ARHGEF18: variants seen among roughly 807,000 people sequenced by gnomAD.
ARHGEF18 encodes the protein Rho/Rac guanine nucleotide exchange factor 18, also known as rho guanine nucleotide exchange factor 18.
In ARHGEF18, 93 loss-of-function variants were observed where a neutral mutation model predicts 155.7. The ratio of observed to expected loss-of-function variants is 0.60; its 90% CI spans 0.50 to 0.71. The LOEUF (loss-of-function observed/expected upper bound fraction) is 0.71. ARHGEF18 is among the 30% of genes least tolerant of loss of function. The probability of loss-of-function intolerance (pLI) is 0.00; values close to 1 mark genes in which losing one functional copy is unlikely to be tolerated. For missense variants in ARHGEF18, 1,593 were observed against 1,816.1 expected (o/e 0.88, Z 2.23); for synonymous variants, 742 against 753.1 (o/e 0.99, Z 0.24).
chr19:7,385,161 G>A (rs1189823110), intron 10 of ARHGEF18, among the ~76,000 whole-genome samples: 4 of 152,228 alleles, frequency 2.6e-5, no homozygotes, highest in Non-Finnish European at 1.5e-5. Flanking sequence ...AAGGTTGGAA[G>A]TTGGAAGAGT....
chr19:7,356,971 C>G (rs1169631838), intron 1 of ARHGEF18, among the ~76,000 whole-genome samples: 1 of 152,042 alleles, frequency 6.6e-6, no homozygotes, highest in Non-Finnish European at 1.5e-5. Context: ...GCCAGGGGAC[C>G]CAAGGGCTGG....
chr19:7,439,954 G>A lies in ARHGEF18; in HGVS notation c.968-390G>A, dbSNP rs1465966904. The stretch of plus-strand genomic sequence containing the variant: ...TTTCCACAGTAAATGGTCACAGTGG[G>A]GACCAATATCCTGCCCTCCAGACCC... On this transcript the variant is annotated intron_variant, in intron 10 of 28. Coordinates refer to ENST00000668164, the MANE Select transcript of ARHGEF18 (RefSeq NM_001367823.1). 2.0e-6 allele frequency: 3 copies of A among 1,524,556 alleles called. No individual in the cohort carries two copies. Among genetic ancestry groups the A allele is most frequent in the Admixed American group, 4.4e-5 (2 of 45,602 alleles). 94.4% of individuals were successfully genotyped at this position (1,524,556 alleles called of 1,614,324 possible). A position where few individuals can be genotyped will look rare whatever the true frequency, so the allele number is the denominator to read the frequency against.
intron 10 of ARHGEF18, among the ~76,000 whole-genome samples, chr19:7,403,551 TTC>T (rs1491009109): frequency 0.074 from 10,993 of 149,002 alleles, 1,365 homozygotes; most frequent in African/African-American, 0.26. Flanking sequence ...CTTTCTTTCT[TTC>T]TTTTTTTTTT....
intron 10 of ARHGEF18, among the ~76,000 whole-genome samples, chr19:7,425,431 C>A (rs1361218463): frequency 6.6e-6 from 1 of 152,118 alleles, no homozygotes; most frequent in East Asian, 1.9e-4. Flanking sequence ...CGCCTGTAAT[C>A]CCAGCAATTG....
Position 7,467,057 on chromosome 19 carries a change from T to G in ARHGEF18, c.2962-14T>G, listed in dbSNP as rs1215845215. On this transcript the variant is annotated splice_polypyrimidine_tract_variant and intron_variant, in intron 24 of 28. Transcript: ENST00000668164. ...GCCCGATAACTAGCATCAATCTCCCTCTCCTCTCCGCAGCTTGTCCAGCGG... is the reference window on the plus strand; with the variant it reads ...GCCCGATAACTAGCATCAATCTCCCGCTCCTCTCCGCAGCTTGTCCAGCGG... 1 of 1,609,838 alleles carries G rather than the reference T, an allele frequency of 6.2e-7. No homozygotes were observed. Among genetic ancestry groups the G allele is most frequent in the Non-Finnish European group, 8.5e-7 (1 of 1,177,302 alleles).
At chr19:7,451,432 A>G (rs1336847157) in intron 16 of ARHGEF18, among the ~76,000 whole-genome samples, 166 bp downstream of exon 16, 1 of 140,530 alleles carries the variant, frequency 7.1e-6, no homozygotes, top group Non-Finnish European at 1.5e-5. Context: ...TTTAAGAGAC[A>G]GAGTCTCACT....
Position 7,400,333 on chromosome 19 carries a change from T to TA in ARHGEF18, c.967+17137dup, listed in dbSNP as rs959699860. Among the ~76,000 whole-genome samples, 17 of 152,066 alleles carry TA rather than the reference T, an allele frequency of 1.1e-4. No individual in the cohort carries two copies. In the East Asian group the frequency reaches 2.1e-3, roughly 19 times the overall value. On this transcript the variant is annotated intron_variant, in intron 10 of 28. Coordinates refer to ENST00000668164, the MANE Select transcript of ARHGEF18 (RefSeq NM_001367823.1). ...ATTCCAGGACATCTTATTATTTTTT[T>TA]AAAAAAACAGGGTCTTGCTGTGTTG...
At position 7,440,389 on chromosome 19, in the gene ARHGEF18, GCC is replaced by G; in HGVS notation, c.1015_1016del (p.Pro339GlyfsTer38). The G allele has an allele frequency of 6.2e-7, 1 of 1,609,642 alleles. No homozygotes were observed. The highest frequency in any genetic ancestry group is 8.5e-7 in the Non-Finnish European group (1 of 1,179,994). Reference sequence around the variant, plus strand: ...CGGGGCACCCTCCTGTCCGATGGCAGCCCGGCCCTGTCCAGGAATGTCGGTAT... The same window carrying G: ...CGGGGCACCCTCCTGTCCGATGGCAGCGGCCCTGTCCAGGAATGTCGGTAT... On this transcript the variant is annotated frameshift_variant, in exon 11 of 29. Transcript: ENST00000668164. LOFTEE classifies it high-confidence loss of function. The surrounding 1 kb of genome is among the most constrained non-coding windows in gnomAD (Gnocchi z 5.4).
At chr19:7,371,483 G>A (rs916878315) in intron 2 of ARHGEF18, among the ~76,000 whole-genome samples, 4 of 152,086 alleles carry the variant, frequency 2.6e-5, no homozygotes, top group Admixed American at 1.3e-4. Context: ...AGGAGTTTAA[G>A]ACCATCCTGG....
chr19:7,468,560 TG>T (rs1453711381), intron 26 of ARHGEF18, among the ~76,000 whole-genome samples: 1 of 152,124 alleles, frequency 6.6e-6, no homozygotes, highest in Non-Finnish European at 1.5e-5. Flanking sequence ...CTATAAACCA[TG>T]GGTTCTGTGA....
intron 1 of ARHGEF18, among the ~76,000 whole-genome samples, chr19:7,352,700 T>A (rs193213816): frequency 0.92 from 138,469 of 150,652 alleles, 63,761 homozygotes; most frequent in Admixed American, 0.95. Context: ...CGCCCGGCTA[T>A]TTTTTTGTAT....
chr19:7,463,910 G>A lies in ARHGEF18; in HGVS notation c.2728G>A (p.Ala910Thr), dbSNP rs1976448886. ...CAGCTCCACAGGCCCGCCCAGGAGG[G>A]CTGAGACCTTCGCGGGCTACGACTG... ...GGSSTGPPRR[A>T]ETFAGYDCTN... Residue 910 changes from alanine to threonine, a missense_variant, in exon 22 of 29, where the codon GCT (alanine) becomes ACT (threonine). Coordinates refer to ENST00000668164, the MANE Select transcript of ARHGEF18 (RefSeq NM_001367823.1). The surrounding 1 kb of genome is among the most constrained non-coding windows in gnomAD (Gnocchi z 5.2). 6.3e-6 allele frequency: 10 copies of A among 1,598,980 alleles called. No individual in the cohort carries two copies. Among genetic ancestry groups the A allele is most frequent in the Non-Finnish European group, 8.5e-6 (10 of 1,173,390 alleles).
At chr19:7,436,408 C>A (rs926012289) in intron 10 of ARHGEF18, among the ~76,000 whole-genome samples, 1 of 152,004 alleles carries the variant, frequency 6.6e-6, no homozygotes, top group Non-Finnish European at 1.5e-5. Context: ...TTCTGAGTAG[C>A]TGTGATTACA....
chr19:7,424,344 T>C (rs988927846), intron 10 of ARHGEF18, among the ~76,000 whole-genome samples: 3 of 152,126 alleles, frequency 2.0e-5, no homozygotes, highest in East Asian at 3.9e-4. Flanking sequence ...TTTCTTGAGC[T>C]AGATTTTCTT....
intron 10 of ARHGEF18, among the ~76,000 whole-genome samples, chr19:7,406,058 C>G (rs139472746): frequency 3.5e-4 from 53 of 152,194 alleles, no homozygotes; most frequent in Middle Eastern, 3.4e-3. Context: ...AAGAGGAGGT[C>G]TTCAGGAGAA....
intron 10 of ARHGEF18, among the ~76,000 whole-genome samples, chr19:7,399,531 G>T (rs904440129): frequency 6.6e-6 from 1 of 151,112 alleles, no homozygotes; most frequent in East Asian, 1.9e-4. Context: ...CCCCAGCCTG[G>T]AGTGCAGTGG....
chr19:7,424,308 G>A (rs574765782), intron 10 of ARHGEF18, among the ~76,000 whole-genome samples: 7 of 152,232 alleles, frequency 4.6e-5, no homozygotes, highest in African/African-American at 1.4e-4. Context: ...TTACAAGCAT[G>A]AGCCACCACC....
At chr19:7,376,587 C>A (rs1024989659) in intron 4 of ARHGEF18, 56 bp from the exon 5 acceptor site, 2 of 1,160,982 alleles carry the variant, frequency 1.7e-6, no homozygotes, top group East Asian at 3.2e-5. Context: ...ATCCAGGGAA[C>A]CTGCCTGCAG....
intron 10 of ARHGEF18, among the ~76,000 whole-genome samples, chr19:7,397,092 T>G (rs986416337): frequency 3.6e-5 from 5 of 138,410 alleles, no homozygotes; most frequent in African/African-American, 1.5e-4. Flanking sequence ...AGCAAGCCTT[T>G]TTGCGAAAAA....
Sources: allele counts gnomAD v4.1 joint callset (sites outside exome capture counted in the v4.1 genomes callset), GRCh38; gene constraint gnomAD v4.1.1; non-coding constraint Gnocchi (gnomAD v3.1); transcripts MANE v1.5; gene names NCBI Gene and HGNC (gene_info 2026-07-23, HGNC 2026-07-21).